GRK4: variants seen among roughly 807,000 people sequenced by gnomAD.
The protein encoded by GRK4 is G protein-coupled receptor kinase 2-like.
Under a neutral mutation model 77.9 loss-of-function variants are expected in GRK4, and 73 were observed. The ratio of observed to expected loss-of-function variants is 0.94; its 90% CI spans 0.78 to 1.14. The LOEUF is 1.14. GRK4 is among the 50% of genes most tolerant of loss of function. GRK4 has a pLI of 0.00. For missense variants in GRK4, 729 were observed against 700.2 expected, an observed-to-expected ratio of 1.04 and a Z score of -0.46; for synonymous variants, 257 against 254.4, an observed-to-expected ratio of 1.01 and a Z score of -0.10.
At chr4:2,966,650 T>C (rs1376499700) in intron 1 of GRK4, 1 of 152,238 alleles carries the variant, frequency 6.6e-6, no homozygotes, top group Non-Finnish European at 1.5e-5. Context: ...TTGATGACTG[T>C]GTTTGTTACT....
At chr4:3,028,780 T>C (rs560919787) in intron 11 of GRK4, among the ~76,000 whole-genome samples, 5 of 152,100 alleles carry the variant, frequency 3.3e-5, no homozygotes, top group Admixed American at 1.3e-4. Flanking sequence ...CACAACTTTT[T>C]TTTTTTTTTG....
chr4:2,969,604 A>C (rs1382090208), intron 1 of GRK4, among the ~76,000 whole-genome samples: 1 of 151,236 alleles, frequency 6.6e-6, no homozygotes, highest in African/African-American at 2.4e-5. Flanking sequence ...TCGAACTCCC[A>C]ACCTCAGGTG....
intron 1 of GRK4, among the ~76,000 whole-genome samples, chr4:2,976,896 C>T (rs1721375833): frequency 6.6e-6 from 1 of 152,168 alleles, no homozygotes; most frequent in African/African-American, 2.4e-5. Context: ...ACCCCGGTCT[C>T]CCAAAGTGCT....
At chr4:3,001,088 T>C (rs1034351802) in intron 4 of GRK4, among the ~76,000 whole-genome samples, 1 of 133,036 alleles carries the variant, frequency 7.5e-6, no homozygotes, top group Non-Finnish European at 1.6e-5. Flanking sequence ...TATATATATA[T>C]ATGTGTGTGT....
chr4:3,001,026 A>T (rs898532627), intron 4 of GRK4, among the ~76,000 whole-genome samples: 2 of 149,160 alleles, frequency 1.3e-5, no homozygotes, highest in Non-Finnish European at 3.0e-5. Flanking sequence ...GGGACTTCCC[A>T]AGTCTCTCCT....
chr4:3,007,886 C>G, intron 6 of GRK4, 58 bp downstream of exon 6: 1 of 1,154,692 alleles, frequency 8.7e-7, no homozygotes, highest in Non-Finnish European at 1.3e-6. Flanking sequence ...GCCTGTAGTC[C>G]CAGCTACTCA....
chr4:2,994,208 TTTTA>T (rs1453902445), intron 4 of GRK4, among the ~76,000 whole-genome samples: 1 of 152,212 alleles, frequency 6.6e-6, no homozygotes, highest in Non-Finnish European at 1.5e-5. Flanking sequence ...TAATTTTTAT[TTTTA>T]TTTTTTTCCC....
At chr4:3,010,826 T>A (rs1351381607) in intron 7 of GRK4, among the ~76,000 whole-genome samples, 2 of 152,156 alleles carry the variant, frequency 1.3e-5, no homozygotes, top group African/African-American at 4.8e-5. Flanking sequence ...TGAAGTTAAT[T>A]AGAAAGCTGA....
intron 8 of GRK4, among the ~76,000 whole-genome samples, chr4:3,015,524 A>T (rs533090485): frequency 6.6e-6 from 1 of 152,054 alleles, no homozygotes; most frequent in East Asian, 1.9e-4. Context: ...AAATACAAAG[A>T]ATTAGCCAGG....
Position 3,005,385 on chromosome 4 carries a change from G to A in GRK4, c.443+1051G>A, listed in dbSNP as rs575780855. On this transcript the variant is annotated intron_variant, in intron 5 of 15. Transcript: ENST00000398052. ...TAAAGAGAGGGAAGATGGGGTCCAG[G>A]AGATGAGCCGGCGAGGCCGTTGCAG... Among the ~76,000 whole-genome samples, 11 of 152,018 alleles carry A rather than the reference G, an allele frequency of 7.2e-5. No homozygotes were observed. In the East Asian group the frequency reaches 9.7e-4, roughly 13 times the overall value.
chr4:3,023,125 C>G (rs1736533683), intron 10 of GRK4, among the ~76,000 whole-genome samples: 1 of 152,190 alleles, frequency 6.6e-6, no homozygotes, highest in Non-Finnish European at 1.5e-5. Flanking sequence ...GTGCTGTCCT[C>G]TTGTCACATA....
intron 4 of GRK4, among the ~76,000 whole-genome samples, chr4:3,001,897 T>G (rs1729932556): frequency 6.6e-6 from 1 of 152,222 alleles, no homozygotes; most frequent in Admixed American, 6.5e-5. Flanking sequence ...TGTTTCTAAT[T>G]ACAAATTAGG....
At chr4:2,979,423 A>AT (rs1392169554) in intron 1 of GRK4, among the ~76,000 whole-genome samples, 1 of 150,508 alleles carries the variant, frequency 6.6e-6, no homozygotes, top group Non-Finnish European at 1.5e-5. Flanking sequence ...AAAAAAAAAA[A>AT]AAAGAGTGGC....
intron 10 of GRK4, among the ~76,000 whole-genome samples, chr4:3,027,671 A>G (rs1363947092): frequency 2.6e-5 from 4 of 152,236 alleles, no homozygotes; most frequent in Non-Finnish European, 5.9e-5. Flanking sequence ...CCTATGATTA[A>G]AGGGCTTCCT....
chr4:3,017,672 C>T (rs1398831436), intron 8 of GRK4, among the ~76,000 whole-genome samples: 1 of 152,118 alleles, frequency 6.6e-6, no homozygotes, highest in Admixed American at 6.5e-5. Context: ...ACATCATGAC[C>T]AAGTTGGATT....
At chr4:3,012,962 T>A (rs1250173578) in intron 7 of GRK4, among the ~76,000 whole-genome samples, 1 of 151,814 alleles carries the variant, frequency 6.6e-6, no homozygotes. Flanking sequence ...GCCAAAATGG[T>A]GAAATCCCGT....
chr4:3,022,490 T>A (rs1440020899), intron 10 of GRK4, 39 bp downstream of exon 10: 26 of 1,582,496 alleles, frequency 1.6e-5, no homozygotes, highest in Non-Finnish European at 1.9e-5. Context: ...GGGTAGACTT[T>A]GTTAGAGGGA....
chr4:3,025,316 C>T (rs1254105150), intron 10 of GRK4, among the ~76,000 whole-genome samples: 2 of 149,444 alleles, frequency 1.3e-5, no homozygotes, highest in Admixed American at 6.7e-5. Context: ...CCCTTCTGTG[C>T]GGTTAAACCA....
rs557014324 is a variant in GRK4 at position 2,993,378 on chromosome 4, T to C, written c.339+1086T>C. Among the ~76,000 whole-genome samples, 4 of 152,094 alleles carry C rather than the reference T, an allele frequency of 2.6e-5. No homozygotes were observed. The South Asian group carries it at 8.3e-4, about 32-fold the overall frequency. Reference sequence around the variant, plus strand: ...AACAACAGGGATAGCAAACATGTAATTAACACTGCTCTAGGCCAGGTGTGG... The same window carrying C: ...AACAACAGGGATAGCAAACATGTAACTAACACTGCTCTAGGCCAGGTGTGG... On this transcript the variant is annotated intron_variant, in intron 4 of 15. Coordinates refer to ENST00000398052, the MANE Select transcript of GRK4 (RefSeq NM_182982.3).
Sources: allele counts gnomAD v4.1 joint callset (sites outside exome capture counted in the v4.1 genomes callset), GRCh38; gene constraint gnomAD v4.1.1; transcripts MANE v1.5; gene names NCBI Gene and HGNC (gene_info 2026-07-23, HGNC 2026-07-21).